RUFY3: variants seen among roughly 807,000 people sequenced by gnomAD.
The protein encoded by RUFY3 is RUN and FYVE domain containing 3.
A neutral mutation model predicts 84.0 loss-of-function variants in RUFY3; 34 were observed. The ratio of observed to expected loss-of-function variants is 0.40; its 90% CI spans 0.31 to 0.54. RUFY3 has a LOEUF of 0.54. RUFY3 is among the 20% of genes least tolerant of loss of function. RUFY3 has a pLI of 0.39. For synonymous variants in RUFY3, 242 were observed against 252.9 expected (o/e 0.96, Z 0.41); for missense variants, 507 against 736.8 (o/e 0.69, Z 3.61).
chr4:70,787,215 A>T (rs34769528), intron 10 of RUFY3, among the ~76,000 whole-genome samples: 553 of 122,338 alleles, frequency 4.5e-3, no homozygotes, highest in African/African-American at 6.3e-3. Flanking sequence ...TATATATATA[A>T]AAACAAATTG....
At chr4:70,795,771 A>G (rs1041093264) in intron 14 of RUFY3, among the ~76,000 whole-genome samples, 1 of 152,196 alleles carries the variant, frequency 6.6e-6, no homozygotes, top group Non-Finnish European at 1.5e-5. Context: ...ATATCAATAC[A>G]ATCTTTTTTA....
chr4:70,711,804 G>A (rs113503699), intron 1 of RUFY3, among the ~76,000 whole-genome samples: 4,311 of 152,180 alleles, frequency 0.028, 206 homozygotes, highest in African/African-American at 0.099. Context: ...TCATGCCCCC[G>A]TTTCCTTCCT....
At chr4:70,721,446 C>T (rs182040416), upstream of RUFY3, among the ~76,000 whole-genome samples, 14 of 151,944 alleles carry the variant, frequency 9.2e-5, no homozygotes, top group Admixed American at 9.2e-4. Flanking sequence ...TCTGCCTAAC[C>T]TAAAAGGTCA....
At chr4:70,716,113 C>CAA (rs918121487) in intron 1 of RUFY3, among the ~76,000 whole-genome samples, 2 of 137,086 alleles carry the variant, frequency 1.5e-5, no homozygotes. Context: ...GACTCCATCT[C>CAA]AAAAAAAAAA....
At chr4:70,779,095 C>T (rs544367477) in intron 8 of RUFY3, among the ~76,000 whole-genome samples, 32 of 152,328 alleles carry the variant, frequency 2.1e-4, no homozygotes, top group African/African-American at 7.2e-4. Context: ...TGTGCAAGAG[C>T]TAGACAAATA....
At chr4:70,734,043 C>A (rs1274441782) in intron 1 of RUFY3, among the ~76,000 whole-genome samples, 1 of 152,182 alleles carries the variant, frequency 6.6e-6, no homozygotes, top group African/African-American at 2.4e-5. Context: ...TGCCTCACAG[C>A]AGAGCTACTG....
upstream of RUFY3, among the ~76,000 whole-genome samples, chr4:70,720,817 A>T (rs546446943): frequency 6.6e-6 from 1 of 152,010 alleles, no homozygotes; most frequent in East Asian, 1.9e-4. Flanking sequence ...TTTGTAATTT[A>T]TGTAGTTCAT....
At chr4:70,781,965 G>T (rs1197328045) in intron 8 of RUFY3, among the ~76,000 whole-genome samples, 2 of 152,144 alleles carry the variant, frequency 1.3e-5, no homozygotes, top group Admixed American at 1.3e-4. Flanking sequence ...TTTCCCTGTA[G>T]CAGTTGACTG....
At chr4:70,763,782 A>G in intron 3 of RUFY3, 113 bp downstream of exon 3, 1 of 1,302,560 alleles carries the variant, frequency 7.7e-7, no homozygotes, top group Non-Finnish European at 1.1e-6. Flanking sequence ...AACAATCCAA[A>G]ATGCATGATG....
At chr4:70,732,604 G>T (rs553226979) in intron 1 of RUFY3, among the ~76,000 whole-genome samples, 2 of 152,206 alleles carry the variant, frequency 1.3e-5, no homozygotes, top group Non-Finnish European at 2.9e-5. Context: ...CATGTCCTTT[G>T]CAAGGACATG....
intron 1 of RUFY3, among the ~76,000 whole-genome samples, chr4:70,752,308 T>TTGTGTG (rs139830851): frequency 6.6e-6 from 1 of 151,524 alleles, no homozygotes; most frequent in African/African-American, 2.4e-5. Context: ...TGTACATACT[T>TTGTGTG]TGTGTGTGTG....
At chr4:70,758,859 G>A (rs1234715150) in intron 1 of RUFY3, among the ~76,000 whole-genome samples, 1 of 151,952 alleles carries the variant, frequency 6.6e-6, no homozygotes, top group African/African-American at 2.4e-5. Context: ...TTAACACAGT[G>A]GAACCCCATC....
chr4:70,787,343 C>CGCCTCCCAGGTTCAAGAGATTCTCCT (rs1379270444), intron 10 of RUFY3, among the ~76,000 whole-genome samples: 1 of 148,536 alleles, frequency 6.7e-6, no homozygotes, highest in Admixed American at 6.7e-5. Context: ...CTGCAACCTC[C>CGCCTCCCAGGTTCAAGAGATTCTCCT]GCCTCCCAGG....
At chr4:70,789,707 G>T in intron 12 of RUFY3, 115 bp downstream of exon 12, 1 of 1,386,286 alleles carries the variant, frequency 7.2e-7, no homozygotes, top group Non-Finnish European at 9.4e-7. Flanking sequence ...ATTAGCATCA[G>T]ACATTCTGGT....
chr4:70,799,144 CAAAAAAA>C (rs547398917), intron 14 of RUFY3, among the ~76,000 whole-genome samples: 4 of 64,164 alleles, frequency 6.2e-5, no homozygotes, highest in Middle Eastern at 0.012. Context: ...GACTCCGTCT[CAAAAAAA>C]AAAAAAAAAA....
At chr4:70,706,602 A>G (rs779371176) in intron 1 of RUFY3, among the ~76,000 whole-genome samples, 6 of 152,194 alleles carry the variant, frequency 3.9e-5, no homozygotes, top group Admixed American at 2.0e-4. Flanking sequence ...CAAAACTGTG[A>G]TGGTGGGTGA....
At chr4:70,769,986 T>C (rs59937911) in intron 5 of RUFY3, among the ~76,000 whole-genome samples, 4,094 of 152,208 alleles carry the variant, frequency 0.027, 80 homozygotes, top group Middle Eastern at 0.054. Context: ...CACACCTAGC[T>C]AATTTTTTTA....
intron 14 of RUFY3, among the ~76,000 whole-genome samples, chr4:70,798,848 A>G (rs554568436): frequency 1.3e-5 from 2 of 152,066 alleles, no homozygotes; most frequent in African/African-American, 4.8e-5. Context: ...GCTTAAGAGT[A>G]TTGGTAGAAA....
rs558654764 is a variant in RUFY3 at position 70,794,052 on chromosome 4, T to C, written c.1457+148T>C. ...GAATTGGAATTCAGAAAGCTTCACG[T>C]ACTTCAACATTCCCCAAATCCGATC... On this transcript the variant is annotated intron_variant, in intron 13 of 17. Coordinates refer to ENST00000381006, the MANE Select transcript of RUFY3 (RefSeq NM_001037442.4). The C allele has an allele frequency of 1.5e-5, 12 of 823,396 alleles. No homozygotes were observed. In the African/African-American group the frequency reaches 2.1e-4, roughly 14 times the overall value. 51.0% of individuals were successfully genotyped at this position (823,396 alleles called of 1,614,324 possible).
Sources: allele counts gnomAD v4.1 joint callset (sites outside exome capture counted in the v4.1 genomes callset), GRCh38; gene constraint gnomAD v4.1.1; transcripts MANE v1.5; gene names NCBI Gene and HGNC (gene_info 2026-07-23, HGNC 2026-07-21).